Variants in VPS8 observed in about 807,000 individuals in gnomAD.
VPS8 encodes the protein vacuolar protein sorting-associated protein 8 homolog.
In VPS8, 129 loss-of-function variants were observed where a neutral mutation model predicts 216.4. The observed-to-expected ratio is 0.60, with a 90% CI of 0.52 to 0.69. VPS8 has a LOEUF of 0.69. Among genes scored for constraint, VPS8 ranks in the 30% least tolerant of loss-of-function variants. The pLI, the probability that VPS8 is intolerant of heterozygous loss-of-function variation, is 0.00. For missense variants in VPS8, 1,531 were observed against 1,683.5 expected (o/e 0.91, Z 1.59); for synonymous variants, 571 against 565.4 (o/e 1.01, Z -0.14).
At chr3:184,815,244 A>G (rs1716058687) in intron 1 of VPS8, among the ~76,000 whole-genome samples, 1 of 152,254 alleles carries the variant, frequency 6.6e-6, no homozygotes, top group Admixed American at 6.5e-5. Context: ...TAGCAAATAC[A>G]TAAACTGGCA....
At chr3:184,864,073 G>A (rs1726888286) in intron 16 of VPS8, among the ~76,000 whole-genome samples, 1 of 151,794 alleles carries the variant, frequency 6.6e-6, no homozygotes, top group Non-Finnish European at 1.5e-5. Flanking sequence ...TAGCCAAGAG[G>A]GAGTTATGGG....
chr3:185,011,113 CAA>C (rs11386728), intron 45 of VPS8, among the ~76,000 whole-genome samples: 1 of 144,916 alleles, frequency 6.9e-6, no homozygotes, highest in African/African-American at 2.5e-5. Flanking sequence ...ACACAGAGTA[CAA>C]AAAAAAAAAA....
intron 42 of VPS8, among the ~76,000 whole-genome samples, chr3:184,992,525 T>C (rs1752035939): frequency 6.6e-6 from 1 of 152,122 alleles, no homozygotes; most frequent in African/African-American, 2.4e-5. Context: ...GAGAAGTTTT[T>C]GTAACCTCTC....
At chr3:184,876,553 C>T (rs753559253) in intron 21 of VPS8, among the ~76,000 whole-genome samples, 1 of 152,104 alleles carries the variant, frequency 6.6e-6, no homozygotes, top group Non-Finnish European at 1.5e-5. Flanking sequence ...ATTCTGAGGT[C>T]TATAGAGTAA....
chr3:185,052,036 G>A lies in VPS8; in HGVS notation c.*11G>A. 6.2e-7 allele frequency: 1 copy of A among 1,608,648 alleles called. No individual in the cohort carries two copies. The highest frequency in any genetic ancestry group is 1.3e-5 in the African/African-American group (1 of 74,956). ...GTGACTGAGGATTGATGACTCCATGGAGCCTGGCCCAGGAGAACCAGAGAT... is the reference window on the plus strand; with the variant it reads ...GTGACTGAGGATTGATGACTCCATGAAGCCTGGCCCAGGAGAACCAGAGAT... On this transcript the variant is annotated 3_prime_UTR_variant, in exon 48 of 48. Coordinates refer to ENST00000625842, the MANE Select transcript of VPS8 (RefSeq NM_001009921.3).
intron 36 of VPS8, among the ~76,000 whole-genome samples, chr3:184,942,774 A>G (rs1423983928): frequency 6.6e-6 from 1 of 152,228 alleles, no homozygotes; most frequent in Non-Finnish European, 1.5e-5. Context: ...TTGGCATTTC[A>G]ATCATTTTTA....
At position 184,832,701 on chromosome 3, in the gene VPS8, G is replaced by T. The variant is rs1441560568; in HGVS notation, c.235G>T (p.Asp79Tyr). Reference sequence around the variant, plus strand: ...TCTTCCAATTTAGACTGATGATGAAGATGAGTCTTTTATTCTTGAGGATCC... The same window carrying T: ...TCTTCCAATTTAGACTGATGATGAATATGAGTCTTTTATTCTTGAGGATCC... ...ESILNETDDE[D>Y]ESFILEDPTL... is the part of the protein sequence containing the mutation. The change falls in exon 4 of 48, where the codon GAT becomes TAT. Residue 79 changes from aspartate to tyrosine, a missense_variant. Around this residue, in one of 3 missense-constraint regions of VPS8, gnomAD observed 199 missense variants for 182.2 expected, o/e 1.09. Coordinates refer to ENST00000625842, the MANE Select transcript of VPS8 (RefSeq NM_001009921.3). The T allele has an allele frequency of 6.3e-7, 1 of 1,599,962 alleles. No homozygotes were observed. The highest frequency in any genetic ancestry group is 1.7e-5 in the Admixed American group (1 of 57,754).
chr3:184,883,106 A>G (rs537431745), intron 21 of VPS8, among the ~76,000 whole-genome samples: 3 of 152,162 alleles, frequency 2.0e-5, no homozygotes, highest in Non-Finnish European at 1.5e-5. Context: ...TTGAAAGCCT[A>G]TATCCTGTAG....
intron 17 of VPS8, among the ~76,000 whole-genome samples, chr3:184,867,474 G>A (rs2108761061): frequency 6.6e-6 from 1 of 152,308 alleles, no homozygotes; most frequent in African/African-American, 2.4e-5. Context: ...AGGGAAATGA[G>A]CTTGGGCTTT....
At chr3:184,875,482 G>C (rs1205306680) in intron 21 of VPS8, among the ~76,000 whole-genome samples, 1 of 152,046 alleles carries the variant, frequency 6.6e-6, no homozygotes, top group Non-Finnish European at 1.5e-5. Context: ...TATTATGGTA[G>C]GATAAAAAGG....
chr3:184,852,429 G>A (rs1434519507), intron 10 of VPS8, 71 bp from the exon 11 acceptor site: 1 of 1,400,264 alleles, frequency 7.1e-7, no homozygotes, highest in Non-Finnish European at 9.9e-7. Flanking sequence ...TTTCAAAATT[G>A]TATAATTTTT....
chr3:184,996,490 A>G lies in VPS8; in HGVS notation c.3825A>G (p.Ile1275Met). ...GACGCCAAGAAATGGCTGATGAAATAATTGTCTTTAGGTAAGAAAGGGAAG... is the reference window on the plus strand; with the variant it reads ...GACGCCAAGAAATGGCTGATGAAATGATTGTCTTTAGGTAAGAAAGGGAAG... Reference protein sequence around the residue: ...YKRRQEMADEIIVFSCGHLYH... With the variant: ...YKRRQEMADEMIVFSCGHLYH... The change falls in exon 44 of 48, where the codon ATA becomes ATG. Residue 1275 changes from isoleucine to methionine, a missense_variant. Transcript: ENST00000625842. 6.2e-7 allele frequency: 1 copy of G among 1,605,412 alleles called. No individual in the cohort carries two copies. The highest frequency in any genetic ancestry group is 8.5e-7 in the Non-Finnish European group (1 of 1,176,140).
At chr3:185,041,709 T>C (rs980552845) in intron 46 of VPS8, among the ~76,000 whole-genome samples, 2 of 152,234 alleles carry the variant, frequency 1.3e-5, no homozygotes, top group Non-Finnish European at 2.9e-5. Flanking sequence ...TGCTGAATTA[T>C]CACCCGTTTG....
In VPS8 at chr3:185,052,394, A is replaced by G. The variant is rs1293072004; in HGVS notation, c.*369A>G. ...CAAATGGCATTCCAGAGTCTGCCAT[A>G]CTCCGTCTCCTCCAGCTGCTGGATA... On this transcript the variant is annotated 3_prime_UTR_variant, in exon 48 of 48. Transcript: ENST00000625842. 5.4e-6 allele frequency: 1 copy of G among 184,028 alleles called. No individual in the cohort carries two copies. Among genetic ancestry groups the G allele is most frequent in the Non-Finnish European group, 1.1e-5 (1 of 88,822 alleles). The allele number at this position is 184,028 out of a possible 1,614,324, so 11.4% of individuals were successfully genotyped here.
chr3:185,031,199 G>C (rs550358132), intron 46 of VPS8, among the ~76,000 whole-genome samples: 18 of 149,698 alleles, frequency 1.2e-4, no homozygotes, highest in African/African-American at 3.4e-4. Flanking sequence ...TTTCACAAAA[G>C]TCAAGGGAAA....
At chr3:184,971,443 C>T (rs776009934) in intron 39 of VPS8, among the ~76,000 whole-genome samples, 14 of 152,108 alleles carry the variant, frequency 9.2e-5, no homozygotes, top group Non-Finnish European at 1.8e-4. Context: ...ATCTGTCCTA[C>T]GAATGTAAAA....
At chr3:185,047,937 AATAACAGGTGGAAC>A (rs1194483032) in intron 46 of VPS8, among the ~76,000 whole-genome samples, 5 of 152,306 alleles carry the variant, frequency 3.3e-5, no homozygotes, top group African/African-American at 9.6e-5. Flanking sequence ...GTCCCACCAC[AATAACAGGTGGAAC>A]AAAACATGGC....
At chr3:184,844,071 T>C (rs1248948711) in intron 8 of VPS8, among the ~76,000 whole-genome samples, 2 of 152,110 alleles carry the variant, frequency 1.3e-5, no homozygotes, top group Non-Finnish European at 2.9e-5. Context: ...CGATGAAAAA[T>C]GTTTCCTGAT....
At chr3:184,983,886 T>C (rs1260882202) in intron 42 of VPS8, among the ~76,000 whole-genome samples, 1 of 151,302 alleles carries the variant, frequency 6.6e-6, no homozygotes, top group Non-Finnish European at 1.5e-5. Context: ...TCAGCTCTTT[T>C]AAGACTCACC....
Sources: allele counts gnomAD v4.1 joint callset (sites outside exome capture counted in the v4.1 genomes callset), GRCh38; gene constraint gnomAD v4.1.1; regional missense constraint gnomAD v4.1.1; transcripts MANE v1.5; gene names NCBI Gene and HGNC (gene_info 2026-07-23, HGNC 2026-07-21).